MSH6: variants seen among roughly 807,000 people sequenced by gnomAD.
The protein encoded by MSH6 is mutS homolog 6, also known as DNA mismatch repair protein Msh6.
MSH6 carries 85 observed loss-of-function variants against 119.1 expected under a neutral mutation model. The observed-to-expected ratio is 0.71, with a 90% confidence interval of 0.60 to 0.85. The LOEUF (loss-of-function observed/expected upper bound fraction) is 0.85, where lower values mean the gene tolerates loss of function less well. MSH6 is among the 40% of genes least tolerant of loss of function. The probability of loss-of-function intolerance (pLI) is 0.00; values close to 1 mark genes in which losing one functional copy is unlikely to be tolerated. For synonymous variants in MSH6, 830 were observed against 586.9 expected (o/e 1.41, Z -5.99); for missense variants, 2,163 against 1,655.3 (o/e 1.31, Z -5.32).
chr2:47,802,796 C>T (rs918192210), intron 4 of MSH6, among the ~76,000 whole-genome samples: 1 of 152,094 alleles, frequency 6.6e-6, no homozygotes, highest in African/African-American at 2.4e-5. Flanking sequence ...AAAATTCTTC[C>T]TCAGCACAGG....
downstream of MSH6, chr2:47,809,471 T>C: frequency 1.3e-6 from 1 of 748,912 alleles, no homozygotes; most frequent in Non-Finnish European, 2.1e-6. Flanking sequence ...AAGCTCTGTT[T>C]CTTTCAAAAT....
chr2:47,790,848 ATTGT>A, intron 1 of MSH6, 75 bp from the exon 2 acceptor site: 2 of 1,266,802 alleles, frequency 1.6e-6, no homozygotes, highest in Non-Finnish European at 2.3e-6. Context: ...AAGACTTGGA[ATTGT>A]TTATTTGTAG....
At chr2:47,801,265 A>G in intron 4 of MSH6, 110 bp downstream of exon 4, 6 of 1,156,460 alleles carry the variant, frequency 5.2e-6, no homozygotes, top group Non-Finnish European at 6.2e-6. Flanking sequence ...ATATTTTGAC[A>G]TGCATATACA....
chr2:47,791,180 G>T, intron 2 of MSH6, 57 bp downstream of exon 2: 1 of 1,496,980 alleles, frequency 6.7e-7, no homozygotes, highest in Non-Finnish European at 9.3e-7. Context: ...GTGTGTGAGA[G>T]AAACAGACAG....
intron 5 of MSH6, among the ~76,000 whole-genome samples, chr2:47,804,453 TAG>T (rs949573302): frequency 6.6e-6 from 1 of 151,958 alleles, no homozygotes; most frequent in Admixed American, 6.6e-5. Flanking sequence ...CCTAGTTTGC[TAG>T]AGAGAGGCAG....
rs397839804 is a variant in MSH6, at chr2:47,791,154, TTGTG to T, written c.457+50_457+53del. 742 of 1,314,244 alleles carry T rather than the reference TTGTG, an allele frequency of 5.6e-4. 1 individual carries two copies. Among genetic ancestry groups the T allele is most frequent in the South Asian group, 1.9e-3 (156 of 82,398 alleles). 81.4% of individuals were successfully genotyped at this position (1,314,244 alleles called of 1,614,324 possible). On this transcript the variant is annotated intron_variant, in intron 2 of 9. Coordinates refer to ENST00000234420, the MANE Select transcript of MSH6 (RefSeq NM_000179.3). ...AGTCACTACTGCCATGTGTGTGTGT[TTGTG>T]TGTGTGTGTGTGTGTGTGAGAGAAA... is the stretch of plus-strand genomic sequence containing the variant.
chr2:47,802,430 A>G (rs1269249408), intron 4 of MSH6, among the ~76,000 whole-genome samples: 1 of 152,092 alleles, frequency 6.6e-6, no homozygotes, highest in Non-Finnish European at 1.5e-5. Flanking sequence ...TGCTGGGTTC[A>G]AGTGATTCTC....
chr2:47,809,265 A>C (rs1365019506), downstream of MSH6: 1 of 1,540,660 alleles, frequency 6.5e-7, no homozygotes. Flanking sequence ...TTATTTTGTT[A>C]TCTGTAATAA....
At position 47,806,286 on chromosome 2, in the gene MSH6, A is replaced by ATTAT. The variant is rs1553333072; in HGVS notation, c.3732_3735dup (p.Ser1246IlefsTer30). ...TTGCTGAGACTATAAAATGTCGTAC[A>ATTAT]TTATTTTCAACTCACTACCATTCAT... On this transcript the variant is annotated frameshift_variant, in exon 8 of 10. Coordinates refer to ENST00000234420, the MANE Select transcript of MSH6 (RefSeq NM_000179.3). LOFTEE classifies it high-confidence loss of function. 1.9e-6 allele frequency: 3 copies of ATTAT among 1,614,130 alleles called. No individual in the cohort carries two copies. The highest frequency in any genetic ancestry group is 1.3e-5 in the African/African-American group (1 of 75,056).
In MSH6 at chr2:47,800,627, TTTAAGTCTA is replaced by T. The variant is rs876660630; in HGVS notation, c.2645_2653del (p.Phe882_Lys885delinsTer). On this transcript the variant is annotated stop_gained and inframe_deletion, in exon 4 of 10. Transcript: ENST00000234420. LOFTEE classifies it high-confidence loss of function. Reference sequence around the variant, plus strand: ...GATCATGGAAGAAGTTGCTGATGGTTTTAAGTCTAAAATCCTTAAGCAGGTCATCTCTCT... The same window carrying T: ...GATCATGGAAGAAGTTGCTGATGGTTAAATCCTTAAGCAGGTCATCTCTCT... 1 of 1,614,206 alleles carries T rather than the reference TTTAAGTCTA, an allele frequency of 6.2e-7. No homozygotes were observed. The highest frequency in any genetic ancestry group is 1.7e-5 in the Admixed American group (1 of 60,026).
At chr2:47,794,139 C>G (rs2908438) in intron 2 of MSH6, among the ~76,000 whole-genome samples, 151,287 of 151,292 alleles carry the variant, frequency 1, 75,641 homozygotes, top group African/African-American at 1. Context: ...TCAGGAGTTG[C>G]AGACAAGCCT....
At position 47,798,767 on chromosome 2, in the gene MSH6, G is replaced by A. The variant is rs1572720344; in HGVS notation, c.784G>A (p.Asp262Asn). The A allele has an allele frequency of 6.2e-7, 1 of 1,614,082 alleles. No homozygotes were observed. Among genetic ancestry groups the A allele is most frequent in the African/African-American group, 1.3e-5 (1 of 74,932 alleles). ...TTCTGAGAGTGACATTGGTGGCTCT[G>A]ATGTGGAATTTAAGCCAGACACTAA... ...SDSESDIGGS[D>N]VEFKPDTKEE... The change falls in exon 4 of 10, where the codon GAT (aspartate) becomes AAT (asparagine). Residue 262 changes from aspartate to asparagine, a missense_variant. Transcript: ENST00000234420.
At chr2:47,809,803 A>G (rs560086681), downstream of MSH6, 1 of 745,996 alleles carries the variant, frequency 1.3e-6, no homozygotes, top group Admixed American at 2.3e-5. Context: ...TCTTTTATAG[A>G]AGTACATTAA....
chr2:47,783,584 G>T (rs553929240), intron 1 of MSH6, 91 bp downstream of exon 1: 7 of 1,293,034 alleles, frequency 5.4e-6, no homozygotes, highest in Middle Eastern at 2.8e-4. Flanking sequence ...GGGTTGGGGG[G>T]GTGCACGGCC....
At chr2:47,809,308 T>C (rs1670452714), downstream of MSH6, 2 of 1,307,944 alleles carry the variant, frequency 1.5e-6, no homozygotes, top group African/African-American at 1.5e-5. Context: ...AGAGGAATGT[T>C]AATATTTTAA....
At chr2:47,802,635 G>GTTTTT (rs527836963) in intron 4 of MSH6, among the ~76,000 whole-genome samples, 2 of 115,924 alleles carry the variant, frequency 1.7e-5, no homozygotes, top group African/African-American at 3.1e-5. Flanking sequence ...GCCCAGCCCT[G>GTTTTT]TTTTTTTTTT....
At chr2:47,796,192 T>C (rs1669079597) in intron 3 of MSH6, 129 bp downstream of exon 3, 1 of 934,400 alleles carries the variant, frequency 1.1e-6, no homozygotes, top group Non-Finnish European at 1.7e-6. Flanking sequence ...TATACATACA[T>C]GCATACTTCT....
chr2:47,808,864 C>CTT, downstream of MSH6: 1 of 286,712 alleles, frequency 3.5e-6, no homozygotes, highest in Non-Finnish European at 6.5e-6. Context: ...TAGTTATGGT[C>CTT]TTTGTTTTGT....
chr2:47,803,817 A>G, intron 5 of MSH6, 132 bp downstream of exon 5: 1 of 929,386 alleles, frequency 1.1e-6, no homozygotes, highest in South Asian at 1.5e-5. Context: ...AAGGGAAATT[A>G]CTCCCTGTGT....
Sources: gnomAD v4.1 joint callset for allele counts (sites outside exome capture counted in the v4.1 genomes callset) on GRCh38, gnomAD v4.1.1 for gene constraint, MANE v1.5 for transcripts, NCBI Gene and HGNC (gene_info 2026-07-23, HGNC 2026-07-21) for gene names.